SRP54: variants seen among roughly 807,000 people sequenced by gnomAD.
SRP54 encodes signal recognition particle 54.
Under a neutral mutation model 64.8 loss-of-function variants are expected in SRP54, and 10 were observed. The ratio of observed to expected loss-of-function variants is 0.15; its 90% CI spans 0.10 to 0.26. The LOEUF is 0.26. SRP54 is among the 10% of genes least tolerant of loss of function. The probability of loss-of-function intolerance (pLI) is 1.00; values close to 1 mark genes in which losing one functional copy is unlikely to be tolerated. For missense variants in SRP54, 325 were observed against 613.7 expected, an observed-to-expected ratio of 0.53 and a Z score of 4.97; for synonymous variants, 193 against 185.6, an observed-to-expected ratio of 1.04 and a Z score of -0.32.
At position 35,029,146 on chromosome 14, in the gene SRP54, T is replaced by C; in HGVS notation, c.1509T>C (p.Asn503=). 1 of 1,613,470 alleles carries C rather than the reference T, an allele frequency of 6.2e-7. No homozygotes were observed. The highest frequency in any genetic ancestry group is 1.7e-4 in the Middle Eastern group (1 of 6,058). The stretch of plus-strand genomic sequence containing the variant: ...TGAAAGGCATGATGGGATTCAATAA[T>C]ATGTAAAGAAAATGCCTTAATATAA... The part of the protein sequence containing the change: ...GNMKGMMGFN[N]M The change falls in exon 16 of 16, where the codon AAT becomes AAC. Residue 503 remains asparagine (N), a synonymous_variant. Coordinates refer to ENST00000216774, the MANE Select transcript of SRP54 (RefSeq NM_003136.4).
chr14:34,983,030 A>T lies in SRP54; in HGVS notation c.-219A>T, dbSNP rs1187913223. The stretch of plus-strand genomic sequence containing the variant: ...TTCGCTGGCACTCCGTTGGTCTTCC[A>T]GCTGGTGGGAGTTGACGACGTGGTG... On this transcript the variant is annotated 5_prime_UTR_variant, in exon 1 of 16. Coordinates refer to ENST00000216774, the MANE Select transcript of SRP54 (RefSeq NM_003136.4). 1 of 152,374 alleles carries T rather than the reference A, an allele frequency of 6.6e-6. No individual in the cohort carries two copies. Among genetic ancestry groups the T allele is most frequent in the African/African-American group, 2.4e-5 (1 of 41,466 alleles). 9.4% of individuals were successfully genotyped at this position (152,374 alleles called of 1,614,324 possible). A position where few individuals can be genotyped will look rare whatever the true frequency, so the allele number is the denominator to read the frequency against.
chr14:35,014,381 G>A (rs1230934459), intron 10 of SRP54, among the ~76,000 whole-genome samples: 2 of 151,172 alleles, frequency 1.3e-5, no homozygotes, highest in African/African-American at 4.9e-5. Flanking sequence ...GGGTTCAAGC[G>A]ATTTTCCTGC....
chr14:35,021,278 T>A (rs1291290266), intron 13 of SRP54, among the ~76,000 whole-genome samples: 1 of 151,798 alleles, frequency 6.6e-6, no homozygotes, highest in Non-Finnish European at 1.5e-5. Flanking sequence ...GTTAGAAGAG[T>A]CAGAGGTGGA....
At chr14:34,990,164 G>T (rs1199324060) in intron 1 of SRP54, among the ~76,000 whole-genome samples, 9 of 152,112 alleles carry the variant, frequency 5.9e-5, no homozygotes, top group Non-Finnish European at 1.0e-4. Flanking sequence ...AAGACCCTGT[G>T]ACTCGAGCCA....
chr14:34,988,931 T>G (rs1055218602), intron 1 of SRP54, among the ~76,000 whole-genome samples: 9 of 152,122 alleles, frequency 5.9e-5, no homozygotes, highest in Non-Finnish European at 1.0e-4. Flanking sequence ...GATCAATACC[T>G]AATACAAAAT....
chr14:35,026,226 TTTG>T (rs1255820317), intron 14 of SRP54, among the ~76,000 whole-genome samples: 1 of 147,676 alleles, frequency 6.8e-6, no homozygotes, highest in Admixed American at 6.8e-5. Flanking sequence ...GTTTGTTTGT[TTTG>T]TTTTGTTTTG....
chr14:35,013,962 A>G, intron 10 of SRP54, 60 bp downstream of exon 10: 1 of 1,210,098 alleles, frequency 8.3e-7, no homozygotes, highest in Non-Finnish European at 1.2e-6. Context: ...TCTTTAGGAC[A>G]AAATAGGATT....
At chr14:34,991,458 A>T (rs1301343446) in intron 1 of SRP54, among the ~76,000 whole-genome samples, 1 of 148,792 alleles carries the variant, frequency 6.7e-6, no homozygotes, top group East Asian at 2.0e-4. Context: ...GTGAGATTAT[A>T]GGTGACAAAT....
intron 10 of SRP54, among the ~76,000 whole-genome samples, 186 bp from the exon 11 acceptor site, chr14:35,014,558 G>A (rs943548806): frequency 3.3e-5 from 5 of 152,096 alleles, no homozygotes; most frequent in African/African-American, 1.2e-4. Flanking sequence ...GGGATTACAG[G>A]CATGAGCCAC....
At chr14:35,015,912 C>T (rs1310450587) in intron 11 of SRP54, among the ~76,000 whole-genome samples, 1 of 152,186 alleles carries the variant, frequency 6.6e-6, no homozygotes, top group Non-Finnish European at 1.5e-5. Flanking sequence ...GTTTCATAGA[C>T]ATCTCAAATT....
intron 8 of SRP54, 137 bp from the exon 9 acceptor site, chr14:35,013,209 C>A (rs936524780): frequency 2.7e-6 from 2 of 748,908 alleles, no homozygotes; most frequent in Non-Finnish European, 4.3e-6. Context: ...CCTGGCTCGG[C>A]CTCCCAAAGT....
At chr14:34,992,612 A>G (rs983632988) in intron 1 of SRP54, among the ~76,000 whole-genome samples, 6 of 152,084 alleles carry the variant, frequency 3.9e-5, no homozygotes, top group Non-Finnish European at 7.4e-5. Context: ...CATAAAGACG[A>G]AAGTAGTAGA....
intron 11 of SRP54, among the ~76,000 whole-genome samples, chr14:35,017,013 C>A (rs2044454878): frequency 6.6e-6 from 1 of 152,048 alleles, no homozygotes; most frequent in African/African-American, 2.4e-5. Flanking sequence ...CACTGCCACG[C>A]CCGGCTAATT....
At chr14:35,012,087 G>T (rs1247415482) in intron 8 of SRP54, among the ~76,000 whole-genome samples, 3 of 151,726 alleles carry the variant, frequency 2.0e-5, no homozygotes, top group Non-Finnish European at 4.4e-5. Flanking sequence ...CATGGTGGTG[G>T]GTGCCTGTAA....
intron 9 of SRP54, 90 bp from the exon 10 acceptor site, chr14:35,013,712 C>A: frequency 1.6e-6 from 2 of 1,224,146 alleles, no homozygotes; most frequent in Non-Finnish European, 2.3e-6. Context: ...GTCTAATTAG[C>A]TTTGGAGGCG....
chr14:35,015,443 T>G (rs978197888), intron 11 of SRP54, among the ~76,000 whole-genome samples: 7 of 152,198 alleles, frequency 4.6e-5, no homozygotes, highest in African/African-American at 1.7e-4. Flanking sequence ...ATACCACATT[T>G]TCTTTACCCC....
At position 35,011,770 on chromosome 14, in the gene SRP54, C is replaced by G. The variant is rs2139004640; in HGVS notation, c.636+111C>G. 3.0e-6 allele frequency: 3 copies of G among 996,458 alleles called. No homozygotes were observed. In the East Asian group the frequency reaches 8.6e-5, roughly 28 times the overall value. 61.7% of individuals were successfully genotyped at this position (996,458 alleles called of 1,614,324 possible). ...TATTCTTTGCCTGTGAGGCAGATCCCCAGTAATTTATTTTTGTTTTGGGCA... is the reference window on the plus strand; with the variant it reads ...TATTCTTTGCCTGTGAGGCAGATCCGCAGTAATTTATTTTTGTTTTGGGCA... On this transcript the variant is annotated intron_variant, in intron 8 of 15. Coordinates refer to ENST00000216774, the MANE Select transcript of SRP54 (RefSeq NM_003136.4).
intron 14 of SRP54, 123 bp from the exon 15 acceptor site, chr14:35,027,961 AGAGT>A (rs1421872943): frequency 1.2e-5 from 6 of 491,814 alleles, no homozygotes; most frequent in Non-Finnish European, 2.2e-5. Flanking sequence ...GAATTATGTT[AGAGT>A]GATAGGATTA....
chr14:35,025,364 C>A lies in SRP54; in HGVS notation c.1327+2284C>A, dbSNP rs1374861974. Among the ~76,000 whole-genome samples the A allele has an allele frequency of 2.6e-5, 4 of 152,136 alleles. No homozygotes were observed. In the South Asian group the frequency reaches 6.2e-4, roughly 24 times the overall value. On this transcript the variant is annotated intron_variant, in intron 14 of 15. Coordinates refer to ENST00000216774, the MANE Select transcript of SRP54 (RefSeq NM_003136.4). The stretch of plus-strand genomic sequence containing the variant: ...TTTGAAGCTTTCCTTATTTTCCTTG[C>A]GATATCCTATTTTCTCTTTTGTGAC...
Sources: gnomAD v4.1 joint callset for allele counts (sites outside exome capture counted in the v4.1 genomes callset) on GRCh38, gnomAD v4.1.1 for gene constraint, MANE v1.5 for transcripts, NCBI Gene and HGNC (gene_info 2026-07-23, HGNC 2026-07-21) for gene names.